Variants in CLIC5 observed in about 807,000 individuals in gnomAD.
CLIC5 encodes the protein CLIC family member 5.
In CLIC5, 20 loss-of-function variants were observed where a neutral mutation model predicts 24.7. The ratio of observed to expected loss-of-function variants is 0.81; its 90% confidence interval spans 0.57 to 1.18. The LOEUF is 1.18. CLIC5 is among the 50% of genes most tolerant of loss of function. The pLI, the probability that CLIC5 is intolerant of heterozygous loss-of-function variation, is 0.00. For missense variants in CLIC5, 341 were observed against 326.1 expected (o/e 1.05, Z -0.35); for synonymous variants, 159 against 135.6 (o/e 1.17, Z -1.20).
chr6:46,101,159 T>C, the CLIC5 span, among the ~76,000 whole-genome samples: 1 of 152,176 alleles, frequency 6.6e-6, no homozygotes, highest in South Asian at 2.1e-4. Context: ...TCTGCGAAGA[T>C]AGAAAATACT....
downstream of CLIC5, among the ~76,000 whole-genome samples, chr6:45,893,549 G>C (rs1762370449): frequency 6.6e-6 from 1 of 152,108 alleles, no homozygotes; most frequent in Non-Finnish European, 1.5e-5. Context: ...AAATCCCAGA[G>C]CAGGGCCTGC....
At chr6:45,978,565 C>T (rs1057431548) in intron 1 of CLIC5, among the ~76,000 whole-genome samples, 3 of 152,128 alleles carry the variant, frequency 2.0e-5, no homozygotes, top group African/African-American at 7.2e-5. Context: ...CAGGGTGGGG[C>T]CCAAGAATTT....
At chr6:46,111,087 C>G in the CLIC5 span, among the ~76,000 whole-genome samples, 2 of 151,792 alleles carry the variant, frequency 1.3e-5, no homozygotes, top group African/African-American at 4.8e-5. Context: ...TGGGCTGAAC[C>G]CTTAATTCTT....
intron 4 of CLIC5, among the ~76,000 whole-genome samples, chr6:45,916,050 G>A (rs79559971): frequency 0.012 from 1,849 of 152,312 alleles, 47 homozygotes; most frequent in African/African-American, 0.042. Context: ...TCCCAAGTGT[G>A]CCTTGTTAGC....
At chr6:46,053,156 C>CAG (rs146626742) in intron 1 of CLIC5, among the ~76,000 whole-genome samples, 5 of 150,862 alleles carry the variant, frequency 3.3e-5, no homozygotes, top group Admixed American at 2.0e-4. Flanking sequence ...ATAGGAGTTG[C>CAG]AGAGAGAGAG....
chr6:46,020,795 ACT>A (rs1298118130), upstream of CLIC5, among the ~76,000 whole-genome samples: 3 of 151,996 alleles, frequency 2.0e-5, no homozygotes, highest in Admixed American at 2.0e-4. Flanking sequence ...ACTACAAACA[ACT>A]CTCTGAACAT....
chr6:46,121,705 C>T, the CLIC5 span, among the ~76,000 whole-genome samples: 3 of 152,026 alleles, frequency 2.0e-5, no homozygotes, highest in African/African-American at 7.3e-5. Context: ...TGCAGAGACA[C>T]ACATAGGCTC....
At chr6:46,046,437 A>G (rs532169341) in intron 1 of CLIC5, among the ~76,000 whole-genome samples, 1 of 152,326 alleles carries the variant, frequency 6.6e-6, no homozygotes, top group South Asian at 2.1e-4. Flanking sequence ...CTGTTGACTA[A>G]CAGTGCAAAG....
intron 1 of CLIC5, among the ~76,000 whole-genome samples, chr6:46,007,235 G>A (rs1427195413): frequency 2.6e-5 from 4 of 152,120 alleles, no homozygotes; most frequent in African/African-American, 9.7e-5. Context: ...AGGATACATA[G>A]GCTTTCTTCA....
intron 1 of CLIC5, among the ~76,000 whole-genome samples, chr6:46,032,521 G>A (rs1578005): frequency 6.6e-6 from 1 of 152,106 alleles, no homozygotes; most frequent in African/African-American, 2.4e-5. Flanking sequence ...CTAATTAAGT[G>A]TTGGGGAAAG....
intron 4 of CLIC5, among the ~76,000 whole-genome samples, chr6:45,939,878 TGGG>T (rs1224095234): frequency 6.6e-6 from 1 of 151,900 alleles, no homozygotes; most frequent in African/African-American, 2.4e-5. Flanking sequence ...ACATGAATTC[TGGG>T]GGGACACTAC....
rs951508986 is a variant in CLIC5 at position 46,031,850 on chromosome 6, AATATATATATACACATATATATATAAC to A, written c.540+47826_540+47852del. Among the ~76,000 whole-genome samples, 9 of 149,032 alleles carry A rather than the reference AATATATATATACACATATATATATAAC, an allele frequency of 6.0e-5. No homozygotes were observed. In the East Asian group the frequency reaches 1.8e-3, roughly 29 times the overall value. On this transcript the variant is annotated intron_variant, in intron 1 of 5. Transcript: ENST00000185206. ...GCATATAGTCATTTCATCTTTGTAA[AATATATATATACACATATATATATAAC>A]ATATATATATACACACATATATATA...
chr6:46,074,267 T>C (rs1015717810), intron 1 of CLIC5, among the ~76,000 whole-genome samples: 1 of 152,180 alleles, frequency 6.6e-6, no homozygotes, highest in Admixed American at 6.5e-5. Context: ...ATGTTGCTTA[T>C]TATTTTTCAT....
At chr6:46,086,343 C>T in the CLIC5 span, among the ~76,000 whole-genome samples, 3 of 152,348 alleles carry the variant, frequency 2.0e-5, no homozygotes, top group Non-Finnish European at 2.9e-5. Context: ...GCGTCACTCA[C>T]GCTGGGAGCT....
At chr6:46,100,921 C>T in the CLIC5 span, among the ~76,000 whole-genome samples, 7 of 152,104 alleles carry the variant, frequency 4.6e-5, no homozygotes, top group Non-Finnish European at 8.8e-5. Context: ...AAAATGGGGG[C>T]TCAGAGCATG....
upstream of CLIC5, among the ~76,000 whole-genome samples, chr6:46,082,747 C>G (rs1482139852): frequency 2.0e-5 from 3 of 152,156 alleles, no homozygotes; most frequent in Non-Finnish European, 4.4e-5. Context: ...AAATGACAAC[C>G]CATCCCAAAT....
At chr6:45,890,153 T>TA (rs1302886204) in intron 6 of CLIC5, among the ~76,000 whole-genome samples, 3 of 152,218 alleles carry the variant, frequency 2.0e-5, no homozygotes, top group Non-Finnish European at 4.4e-5. Flanking sequence ...ATCCAATGTA[T>TA]AATTTGCAAA....
At chr6:46,114,056 G>C in the CLIC5 span, among the ~76,000 whole-genome samples, 1 of 152,168 alleles carries the variant, frequency 6.6e-6, no homozygotes, top group African/African-American at 2.4e-5. Context: ...ATGGAGAGGA[G>C]AGAGTTTATT....
At chr6:45,942,569 C>A (rs1187476569) in intron 3 of CLIC5, among the ~76,000 whole-genome samples, 1 of 152,196 alleles carries the variant, frequency 6.6e-6, no homozygotes, top group Non-Finnish European at 1.5e-5. Context: ...AATGAATGTG[C>A]ACCTCTGTGA....
Sources: gnomAD v4.1 joint callset for allele counts (sites outside exome capture counted in the v4.1 genomes callset) on GRCh38, gnomAD v4.1.1 for gene constraint, MANE v1.5 for transcripts, NCBI Gene and HGNC (gene_info 2026-07-23, HGNC 2026-07-21) for gene names.